The following DOCK11 variants were observed in gnomAD, a reference collection of about 807,000 sequenced individuals.
DOCK11 encodes dedicator of cytokinesis protein 11.
A neutral mutation model predicts 169.1 loss-of-function variants in DOCK11; 70 were observed. The ratio of observed to expected loss-of-function variants is 0.41; its 90% CI spans 0.34 to 0.51. The LOEUF is 0.51. Among genes scored for constraint, DOCK11 ranks in the 20% least tolerant of loss-of-function variants. The pLI, the probability that DOCK11 is intolerant of heterozygous loss-of-function variation, is 0.10. For synonymous variants in DOCK11, 529 were observed against 541.3 expected (o/e 0.98, Z 0.32); for missense variants, 1,166 against 1,538.8 (o/e 0.76, Z 4.05).
At chrX:118,602,631 C>T (rs2014376793) in intron 23 of DOCK11, among the ~76,000 whole-genome samples, 1 of 110,068 alleles carries the variant, frequency 9.1e-6, no homozygotes, top group Admixed American at 9.7e-5. Flanking sequence ...ACCTCTGCCT[C>T]CCGGGTTCAA....
At chrX:118,625,435 C>T (rs1254484449) in intron 32 of DOCK11, among the ~76,000 whole-genome samples, 1 of 111,509 alleles carries the variant, frequency 9.0e-6, no homozygotes, top group African/African-American at 3.3e-5. Context: ...GGATTACAGG[C>T]GTGAGGCACC....
chrX:118,502,765 AAAACAAACAAAC>A (rs368935002), intron 1 of DOCK11, among the ~76,000 whole-genome samples: 8 of 109,671 alleles, frequency 7.3e-5, no homozygotes, highest in Non-Finnish European at 1.1e-4. Flanking sequence ...TGGCCAAAAC[AAAACAAACAAAC>A]AAACAAACAA....
At chrX:118,628,332 A>G (rs2147491218) in intron 34 of DOCK11, 60 bp downstream of exon 34, 1 of 779,317 alleles carries the variant, frequency 1.3e-6, no homozygotes, top group African/African-American at 2.1e-5. Flanking sequence ...CAATTTTTTT[A>G]TAGTATAAAT....
intron 19 of DOCK11, among the ~76,000 whole-genome samples, chrX:118,590,831 T>A (rs1181979939): frequency 9.0e-6 from 1 of 111,487 alleles, no homozygotes; most frequent in Non-Finnish European, 1.9e-5. Context: ...TATGGTTGGG[T>A]CTCTGAGCCT....
At chrX:118,612,345 A>G (rs2014704612) in intron 28 of DOCK11, among the ~76,000 whole-genome samples, 1 of 112,357 alleles carries the variant, frequency 8.9e-6, no homozygotes, top group Non-Finnish European at 1.9e-5. Context: ...AAAAAAGCCA[A>G]CATCCACATA....
chrX:118,656,948 A>T (rs1336156232), intron 44 of DOCK11, among the ~76,000 whole-genome samples: 1 of 112,112 alleles, frequency 8.9e-6, no homozygotes, highest in Non-Finnish European at 1.9e-5. Context: ...TAATAATAGC[A>T]GTAGAAATCT....
At chrX:118,606,938 C>T (rs2014522301) in intron 24 of DOCK11, among the ~76,000 whole-genome samples, 2 of 109,933 alleles carry the variant, frequency 1.8e-5, no homozygotes, top group Admixed American at 2.0e-4. Flanking sequence ...TCTCTTACCC[C>T]CAATTATAGT....
At chrX:118,546,296 G>T (rs1300270986) in intron 6 of DOCK11, among the ~76,000 whole-genome samples, 180 bp downstream of exon 6, 1 of 105,386 alleles carries the variant, frequency 9.5e-6, no homozygotes, top group African/African-American at 3.6e-5. Context: ...ATTTAGAAGT[G>T]CAACTTTTTA....
Position 118,584,936 on chromosome X carries a change from A to G in DOCK11, c.1718+79A>G, listed in dbSNP as rs146938866. 1.8e-3 allele frequency: 2,061 copies of G among 1,142,682 alleles called. 25 individuals carry two copies. In the African/African-American group the frequency reaches 0.033, roughly 18 times the overall value. 94.2% of individuals were successfully genotyped at this position (1,142,682 alleles called of 1,213,427 possible). On this transcript the variant is annotated intron_variant, in intron 15 of 52. Transcript: ENST00000276202. The stretch of plus-strand genomic sequence containing the variant: ...TTTTAAAATGATGAATGTGAGTCAT[A>G]TATGGGAAAAACAGAATGATTAAAA...
intron 36 of DOCK11, among the ~76,000 whole-genome samples, chrX:118,637,476 C>T (rs1218782237): frequency 8.9e-6 from 1 of 111,734 alleles, no homozygotes. Context: ...ACTATGCTGG[C>T]GGGCCAGGCG....
intron 1 of DOCK11, chrX:118,538,531 G>A (rs1387653906): frequency 3.6e-5 from 6 of 168,660 alleles, no homozygotes; most frequent in Non-Finnish European, 5.7e-5. Context: ...TCCCCATGGT[G>A]AAAACTGAGT....
intron 50 of DOCK11, 81 bp downstream of exon 50, chrX:118,681,329 G>A: frequency 1.1e-6 from 1 of 935,773 alleles, no homozygotes; most frequent in Non-Finnish European, 1.4e-6. Flanking sequence ...AGCATTAATT[G>A]TAATTATGTG....
intron 6 of DOCK11, among the ~76,000 whole-genome samples, chrX:118,555,619 T>C (rs187412534): frequency 6.0e-4 from 65 of 107,947 alleles, no homozygotes; most frequent in Admixed American, 1.6e-3. Context: ...TGGAGAGAGG[T>C]GAGTGATATA....
chrX:118,549,520 A>G (rs1017530023), intron 6 of DOCK11, among the ~76,000 whole-genome samples: 1 of 111,564 alleles, frequency 9.0e-6, no homozygotes, highest in African/African-American at 3.3e-5. Flanking sequence ...TTAATTGGTC[A>G]TATGAAGCTA....
At chrX:118,648,023 T>TAATATAATATATAATAATA (rs1170459757) in intron 40 of DOCK11, among the ~76,000 whole-genome samples, 5 of 29,367 alleles carry the variant, frequency 1.7e-4, no homozygotes, top group South Asian at 1.0e-3. Flanking sequence ...ATAATATAAA[T>TAATATAATATATAATAATA]TATAATATTA....
intron 40 of DOCK11, among the ~76,000 whole-genome samples, chrX:118,647,361 T>G (rs1269864536): frequency 1.0e-5 from 1 of 100,397 alleles, no homozygotes; most frequent in Non-Finnish European, 2.0e-5. Flanking sequence ...AGACCCATCA[T>G]TCATCATTTC....
At chrX:118,648,119 G>A (rs1302552968) in intron 40 of DOCK11, among the ~76,000 whole-genome samples, 8 of 67,652 alleles carry the variant, frequency 1.2e-4, no homozygotes, top group Non-Finnish European at 1.8e-4. Context: ...TATATAAATT[G>A]TAATATTATA....
chrX:118,627,181 T>C lies in DOCK11; in HGVS notation c.3589-323T>C, dbSNP rs752803231. Among the ~76,000 whole-genome samples the C allele has an allele frequency of 2.7e-4, 30 of 111,545 alleles. 1 individual carries two copies. Among genetic ancestry groups the C allele is most frequent in the African/African-American group, 9.4e-4 (29 of 30,716 alleles). On this transcript the variant is annotated intron_variant, in intron 32 of 52. Coordinates refer to ENST00000276202, the MANE Select transcript of DOCK11 (RefSeq NM_144658.4). ...AGGTTGAGGCTACAGTGAGCTATGA[T>C]CATGCCACCGCACTCTAGCCTGGAC... is the stretch of plus-strand genomic sequence containing the variant.
intron 44 of DOCK11, among the ~76,000 whole-genome samples, chrX:118,660,026 T>G (rs2016172996): frequency 8.9e-6 from 1 of 112,058 alleles, no homozygotes; most frequent in Non-Finnish European, 1.9e-5. Flanking sequence ...AAGGCTATGT[T>G]CTTTGTCTCT....
Sources: gnomAD v4.1 joint callset for allele counts (sites outside exome capture counted in the v4.1 genomes callset) on GRCh38, gnomAD v4.1.1 for gene constraint, MANE v1.5 for transcripts, NCBI Gene and HGNC (gene_info 2026-07-23, HGNC 2026-07-21) for gene names.